XKR9: variants seen among roughly 807,000 people sequenced by gnomAD.
The protein encoded by XKR9 is XK related 9, also known as XK-related protein 9.
In XKR9, 32 loss-of-function variants were observed where a neutral mutation model predicts 32.0. The ratio of observed to expected loss-of-function variants is 1.00; its 90% CI spans 0.76 to 1.34. The LOEUF is 1.34. Ranked by LOEUF, XKR9 falls within the 40% of genes most tolerant of loss-of-function variation. The probability of loss-of-function intolerance (pLI) is 0.00; values close to 1 mark genes in which losing one functional copy is unlikely to be tolerated. For missense variants in XKR9, 546 were observed against 429.7 expected (o/e 1.27, Z -2.39); for synonymous variants, 168 against 143.4 (o/e 1.17, Z -1.22).
chr8:70,856,426 T>C, the XKR9 span, among the ~76,000 whole-genome samples: 4 of 151,290 alleles, frequency 2.6e-5, no homozygotes, highest in Non-Finnish European at 5.9e-5. Flanking sequence ...GAGCTAACTA[T>C]CCTAAATATA....
intron 2 of XKR9, among the ~76,000 whole-genome samples, chr8:70,777,435 A>G (rs1409329788): frequency 6.6e-6 from 1 of 152,114 alleles, no homozygotes; most frequent in African/African-American, 2.4e-5. Context: ...ATGTGTCTTT[A>G]TAGTAGCATG....
At chr8:70,774,756 A>G (rs111419188) in intron 2 of XKR9, among the ~76,000 whole-genome samples, 7 of 152,262 alleles carry the variant, frequency 4.6e-5, no homozygotes, top group African/African-American at 1.7e-4. Flanking sequence ...TTATTTGTCT[A>G]TCCTTAGGCT....
intron 2 of XKR9, among the ~76,000 whole-genome samples, chr8:70,755,495 A>G (rs187821445): frequency 6.6e-6 from 1 of 152,156 alleles, no homozygotes; most frequent in Non-Finnish European, 1.5e-5. Context: ...AATAGCAAAG[A>G]CTTGGAACCA....
the XKR9 span, among the ~76,000 whole-genome samples, chr8:70,942,410 C>CATT: frequency 6.6e-6 from 1 of 152,102 alleles, no homozygotes; most frequent in East Asian, 1.9e-4. Flanking sequence ...GTAGCCTTGA[C>CATT]ATTAATCTCT....
At chr8:71,006,157 T>C in the XKR9 span, among the ~76,000 whole-genome samples, 1 of 152,244 alleles carries the variant, frequency 6.6e-6, no homozygotes, top group Non-Finnish European at 1.5e-5. Flanking sequence ...CTGGGAATTG[T>C]TAATGCAAAC....
downstream of XKR9, among the ~76,000 whole-genome samples, chr8:70,791,613 C>T (rs1409152721): frequency 6.6e-6 from 1 of 151,902 alleles, no homozygotes; most frequent in African/African-American, 2.4e-5. Context: ...TCTCTTTCCC[C>T]CACCACTCTC....
At chr8:71,055,018 T>C in the XKR9 span, among the ~76,000 whole-genome samples, 1 of 152,146 alleles carries the variant, frequency 6.6e-6, no homozygotes, top group African/African-American at 2.4e-5. Flanking sequence ...AGATAAAATA[T>C]TTTTTTCTCT....
At chr8:71,009,835 C>A in the XKR9 span, among the ~76,000 whole-genome samples, 1 of 152,152 alleles carries the variant, frequency 6.6e-6, no homozygotes. Flanking sequence ...TTTTGCCTAT[C>A]TTCTGTTGAG....
chr8:70,859,032 G>A, the XKR9 span, among the ~76,000 whole-genome samples: 1 of 151,974 alleles, frequency 6.6e-6, no homozygotes, highest in Admixed American at 6.6e-5. Context: ...AGAAGTTTCT[G>A]CACAGCAAAG....
chr8:70,770,081 C>G (rs1447701453), intron 2 of XKR9, among the ~76,000 whole-genome samples: 3 of 152,170 alleles, frequency 2.0e-5, no homozygotes, highest in African/African-American at 7.2e-5. Context: ...ATGGATTTAT[C>G]TACTGTTGCT....
At chr8:70,781,700 A>AT (rs1055449185) in intron 2 of XKR9, among the ~76,000 whole-genome samples, 9 of 151,990 alleles carry the variant, frequency 5.9e-5, no homozygotes, top group Non-Finnish European at 7.4e-5. Context: ...GATGTTGAGC[A>AT]TTTTTTTAAT....
At chr8:70,757,121 G>C (rs1481336977) in intron 2 of XKR9, among the ~76,000 whole-genome samples, 1 of 151,346 alleles carries the variant, frequency 6.6e-6, no homozygotes, top group Non-Finnish European at 1.5e-5. Flanking sequence ...TTGTTTTTTA[G>C]CTTACTTATA....
At chr8:70,875,510 A>G in the XKR9 span, among the ~76,000 whole-genome samples, 1 of 152,292 alleles carries the variant, frequency 6.6e-6, no homozygotes, top group East Asian at 1.9e-4. Flanking sequence ...TATGTTAGAA[A>G]TCATTTTTTT....
the XKR9 span, among the ~76,000 whole-genome samples, chr8:70,928,888 G>T: frequency 6.6e-6 from 1 of 152,176 alleles, no homozygotes; most frequent in Non-Finnish European, 1.5e-5. Context: ...GAGAGAGACA[G>T]GGTGGAAACA....
intron 2 of XKR9, among the ~76,000 whole-genome samples, chr8:70,771,437 G>A (rs578145914): frequency 1.3e-5 from 2 of 152,186 alleles, no homozygotes; most frequent in South Asian, 4.1e-4. Context: ...TTTATTTTGT[G>A]GTCCAAGTGA....
the XKR9 span, among the ~76,000 whole-genome samples, chr8:70,841,908 G>T: frequency 8.0e-4 from 122 of 152,254 alleles, no homozygotes; most frequent in Non-Finnish European, 1.4e-3. Context: ...AGTATTTTGT[G>T]TGGAAATACT....
chr8:70,825,249 C>T, the XKR9 span, among the ~76,000 whole-genome samples: 6 of 152,058 alleles, frequency 3.9e-5, no homozygotes, highest in Non-Finnish European at 4.4e-5. Context: ...TTGATTCTTT[C>T]CACTGGAGTT....
chr8:70,669,739 T>G (rs1425389808), intron 1 of XKR9, among the ~76,000 whole-genome samples: 1 of 146,252 alleles, frequency 6.8e-6, no homozygotes, highest in Non-Finnish European at 1.5e-5. Flanking sequence ...CGATCTCGGC[T>G]CACTGCAAGC....
the XKR9 span, among the ~76,000 whole-genome samples, chr8:70,812,979 T>G: frequency 1.3e-5 from 2 of 151,896 alleles, no homozygotes; most frequent in East Asian, 1.9e-4. Flanking sequence ...GAGCCTGCAT[T>G]GCCAAGTCAA....
Sources: gnomAD v4.1 joint callset for allele counts (sites outside exome capture counted in the v4.1 genomes callset) on GRCh38, gnomAD v4.1.1 for gene constraint, MANE v1.5 for transcripts, NCBI Gene and HGNC (gene_info 2026-07-23, HGNC 2026-07-21) for gene names.